SLC24A2: variants seen among roughly 807,000 people sequenced by gnomAD.
SLC24A2 encodes the protein solute carrier family 24 member 2, also known as sodium/potassium/calcium exchanger 2.
SLC24A2 carries 36 observed loss-of-function variants against 62.0 expected under a neutral mutation model. That is an observed-to-expected ratio of 0.58 (90% CI 0.44 to 0.77). The LOEUF is 0.77. Among genes scored for constraint, SLC24A2 ranks in the 30% least tolerant of loss-of-function variants. The probability of loss-of-function intolerance (pLI) is 0.00; values close to 1 mark genes in which losing one functional copy is unlikely to be tolerated. For missense variants in SLC24A2, 846 were observed against 817.9 expected (o/e 1.03, Z -0.42); for synonymous variants, 358 against 294.0 (o/e 1.22, Z -2.23).
chr9:19,628,930 C>T (rs887974041), intron 2 of SLC24A2, among the ~76,000 whole-genome samples: 3 of 152,158 alleles, frequency 2.0e-5, no homozygotes, highest in Admixed American at 6.6e-5. Flanking sequence ...GCGGGTTGGG[C>T]AAGCTTGGAG....
At chr9:20,203,396 C>A in the SLC24A2 span, among the ~76,000 whole-genome samples, 1 of 152,162 alleles carries the variant, frequency 6.6e-6, no homozygotes, top group Non-Finnish European at 1.5e-5. Context: ...TTCAGCTCCA[C>A]GGTATACCAA....
the SLC24A2 span, among the ~76,000 whole-genome samples, chr9:20,011,963 A>G: frequency 6.6e-6 from 1 of 152,232 alleles, no homozygotes; most frequent in Non-Finnish European, 1.5e-5. Context: ...CAATAGATGC[A>G]TAAAAACTGA....
chr9:20,254,748 C>G, the SLC24A2 span, among the ~76,000 whole-genome samples: 1 of 152,108 alleles, frequency 6.6e-6, no homozygotes, highest in Non-Finnish European at 1.5e-5. Context: ...CTGTATTAGT[C>G]CATTCTCACA....
At chr9:20,160,074 G>C in the SLC24A2 span, among the ~76,000 whole-genome samples, 22 of 151,202 alleles carry the variant, frequency 1.5e-4, no homozygotes, top group South Asian at 4.6e-3. Context: ...AATTCATAAA[G>C]GGCAAAAATA....
At chr9:19,534,545 C>A (rs920050127) in intron 8 of SLC24A2, among the ~76,000 whole-genome samples, 7 of 151,516 alleles carry the variant, frequency 4.6e-5, no homozygotes, top group African/African-American at 9.7e-5. Context: ...GTGTGATGAT[C>A]CCCTCCCCGG....
the SLC24A2 span, among the ~76,000 whole-genome samples, chr9:20,228,047 G>A: frequency 2.0e-5 from 3 of 152,020 alleles, no homozygotes; most frequent in African/African-American, 4.8e-5. Context: ...ATTAAAAACA[G>A]GTTCTATTTT....
chr9:20,288,852 G>A, the SLC24A2 span, among the ~76,000 whole-genome samples: 47 of 152,070 alleles, frequency 3.1e-4, no homozygotes, highest in African/African-American at 1.1e-3. Context: ...CTCATCCTCA[G>A]TACAGTTCAG....
intron 2 of SLC24A2, among the ~76,000 whole-genome samples, chr9:19,683,699 C>T (rs1055068857): frequency 1.8e-4 from 28 of 152,114 alleles, no homozygotes; most frequent in Non-Finnish European, 3.4e-4. Flanking sequence ...CGCTATACCA[C>T]GTGATGAAAA....
At chr9:20,154,530 A>G in the SLC24A2 span, among the ~76,000 whole-genome samples, 3 of 151,814 alleles carry the variant, frequency 2.0e-5, no homozygotes, top group African/African-American at 7.3e-5. Context: ...AAAGAAATCC[A>G]TGGGTCTTAG....
chr9:19,700,900 T>C (rs1432665182), intron 2 of SLC24A2, among the ~76,000 whole-genome samples: 2 of 152,206 alleles, frequency 1.3e-5, no homozygotes, highest in Non-Finnish European at 2.9e-5. Flanking sequence ...AATGCAGACC[T>C]AACGGATCAA....
chr9:19,960,940 C>T, the SLC24A2 span, among the ~76,000 whole-genome samples: 1 of 151,706 alleles, frequency 6.6e-6, no homozygotes, highest in East Asian at 1.9e-4. Flanking sequence ...TATTATTGCC[C>T]AACTACTTAG....
chr9:20,257,228 A>G, the SLC24A2 span, among the ~76,000 whole-genome samples: 9 of 152,198 alleles, frequency 5.9e-5, 1 homozygote, highest in South Asian at 1.2e-3. Flanking sequence ...TCCCAATTGC[A>G]ATTAGTGATA....
chr9:19,754,260 C>T (rs557246014), intron 2 of SLC24A2, among the ~76,000 whole-genome samples: 1 of 152,294 alleles, frequency 6.6e-6, no homozygotes, highest in South Asian at 2.1e-4. Flanking sequence ...CTACAGTCCA[C>T]TCTTCTAAGA....
At chr9:20,236,870 T>G in the SLC24A2 span, among the ~76,000 whole-genome samples, 2 of 152,072 alleles carry the variant, frequency 1.3e-5, no homozygotes, top group Non-Finnish European at 2.9e-5. Flanking sequence ...GAAAGGTATG[T>G]GCCTGTCATT....
At chr9:19,841,524 T>C in the SLC24A2 span, among the ~76,000 whole-genome samples, 1 of 152,184 alleles carries the variant, frequency 6.6e-6, no homozygotes, top group African/African-American at 2.4e-5. Context: ...GGGCATAATG[T>C]GCTAGGTAGG....
At chr9:19,766,949 T>G (rs1854143) in intron 2 of SLC24A2, among the ~76,000 whole-genome samples, 2 of 151,878 alleles carry the variant, frequency 1.3e-5, no homozygotes, top group Non-Finnish European at 2.9e-5. Flanking sequence ...TATCTATAAG[T>G]CCCTGACTGA....
intron 7 of SLC24A2, among the ~76,000 whole-genome samples, chr9:19,567,378 C>T (rs1835697097): frequency 6.6e-6 from 1 of 151,306 alleles, no homozygotes; most frequent in East Asian, 1.9e-4. Context: ...AACCCTGTCT[C>T]TACTAAAAAT....
the SLC24A2 span, among the ~76,000 whole-genome samples, chr9:20,175,830 A>G: frequency 6.6e-6 from 1 of 152,108 alleles, no homozygotes. Context: ...GTATTCCAAG[A>G]TCTGTTATTA....
intron 2 of SLC24A2, among the ~76,000 whole-genome samples, chr9:19,776,946 A>G (rs1010203845): frequency 6.6e-6 from 1 of 152,188 alleles, no homozygotes. Context: ...AATCCCCCTT[A>G]GGTTAAATGG....
Sources: allele counts gnomAD v4.1 joint callset (sites outside exome capture counted in the v4.1 genomes callset), GRCh38; gene constraint gnomAD v4.1.1; transcripts MANE v1.5; gene names NCBI Gene and HGNC (gene_info 2026-07-23, HGNC 2026-07-21).